The following GPHN variants were observed in gnomAD, a reference collection of about 807,000 sequenced individuals.
The protein encoded by GPHN is gephyrin.
GPHN carries 17 observed loss-of-function variants against 95.5 expected under a neutral mutation model. The observed-to-expected ratio is 0.18, with a 90% CI of 0.12 to 0.27. GPHN has a LOEUF of 0.27. Ranked by LOEUF, GPHN falls within the 10% of genes least tolerant of loss-of-function variation. The pLI is 1.00. For synonymous variants in GPHN, 320 were observed against 322.5 expected (o/e 0.99, Z 0.08); for missense variants, 660 against 978.1 (o/e 0.67, Z 4.34).
the GPHN span, chr14:67,570,038 G>A: frequency 1.4e-6 from 2 of 1,458,506 alleles, no homozygotes; most frequent in Non-Finnish European, 1.9e-6. Context: ...ACAAAGAGGG[G>A]GTGTCTCATC....
At chr14:66,595,207 T>A (rs535012232) in intron 1 of GPHN, among the ~76,000 whole-genome samples, 3 of 152,276 alleles carry the variant, frequency 2.0e-5, no homozygotes, top group African/African-American at 7.2e-5. Context: ...GGGTTGTAAA[T>A]TAGTATTACA....
At chr14:66,740,144 T>C (rs10132261) in intron 2 of GPHN, among the ~76,000 whole-genome samples, 47,854 of 152,060 alleles carry the variant, frequency 0.31, 11,516 homozygotes, top group African/African-American at 0.65. Context: ...GGTGTATTTA[T>C]GATATATCTC....
At chr14:67,322,230 C>G in the GPHN span, among the ~76,000 whole-genome samples, 1 of 151,980 alleles carries the variant, frequency 6.6e-6, no homozygotes, top group East Asian at 1.9e-4. Context: ...CACCTGTGGT[C>G]CCAGCTGCTT....
intron 8 of GPHN, among the ~76,000 whole-genome samples, chr14:66,937,329 A>G (rs973117408): frequency 1.3e-5 from 2 of 151,884 alleles, no homozygotes; most frequent in Non-Finnish European, 2.9e-5. Context: ...ATTTACCACA[A>G]AAAAATGTGT....
chr14:66,678,646 TC>T (rs59507321), intron 1 of GPHN, among the ~76,000 whole-genome samples: 38,271 of 151,988 alleles, frequency 0.25, 9,705 homozygotes, highest in African/African-American at 0.62. Flanking sequence ...ATTTCCTTTT[TC>T]ATGTGTCTTG....
intron 8 of GPHN, among the ~76,000 whole-genome samples, chr14:66,956,663 T>G (rs1334484174): frequency 6.6e-6 from 1 of 152,060 alleles, no homozygotes; most frequent in Non-Finnish European, 1.5e-5. Context: ...TCATGTGTTT[T>G]TTGGCTGCAT....
intron 1 of GPHN, among the ~76,000 whole-genome samples, chr14:66,656,762 T>C (rs1464904949): frequency 6.6e-6 from 1 of 152,208 alleles, no homozygotes; most frequent in African/African-American, 2.4e-5. Flanking sequence ...GTGAACTTAA[T>C]CAATAAATGT....
chr14:67,467,112 G>A, the GPHN span: 27 of 151,632 alleles, frequency 1.8e-4, no homozygotes, highest in African/African-American at 4.8e-4. Flanking sequence ...ACCCAACCCC[G>A]TAGACAGCCA....
the GPHN span, among the ~76,000 whole-genome samples, chr14:67,233,258 C>T: frequency 6.6e-6 from 1 of 152,116 alleles, no homozygotes; most frequent in African/African-American, 2.4e-5. Flanking sequence ...TCTCCTGCCT[C>T]AGCCTCCCAA....
chr14:67,398,784 C>A, the GPHN span, among the ~76,000 whole-genome samples: 6 of 152,178 alleles, frequency 3.9e-5, no homozygotes, highest in Middle Eastern at 3.2e-3. Flanking sequence ...TCTTGAAGAA[C>A]TTCTGGGCTT....
At chr14:67,026,633 T>G (rs2073938079) in intron 10 of GPHN, among the ~76,000 whole-genome samples, 1 of 152,178 alleles carries the variant, frequency 6.6e-6, no homozygotes, top group Non-Finnish European at 1.5e-5. Context: ...GCCCACATTT[T>G]TTTTTGTTTG....
chr14:67,497,518 C>T, the GPHN span, among the ~76,000 whole-genome samples: 95 of 152,168 alleles, frequency 6.2e-4, 1 homozygote, highest in East Asian at 0.016. Context: ...TCCCACGTGA[C>T]CAACAAAAGA....
chr14:67,557,963 A>G, the GPHN span, among the ~76,000 whole-genome samples: 3 of 152,214 alleles, frequency 2.0e-5, no homozygotes, highest in Non-Finnish European at 4.4e-5. Context: ...AAAGTTTCTT[A>G]GTGAAGCTGA....
intron 2 of GPHN, among the ~76,000 whole-genome samples, chr14:66,716,562 TTTTTGTTTTG>T (rs745584845): frequency 2.6e-4 from 39 of 152,266 alleles, no homozygotes; most frequent in African/African-American, 8.7e-4. Flanking sequence ...GTACCTTGGT[TTTTTGTTTTG>T]TTTTGTTTTG....
At chr14:66,697,436 A>T (rs906129317) in intron 2 of GPHN, among the ~76,000 whole-genome samples, 2 of 152,194 alleles carry the variant, frequency 1.3e-5, no homozygotes, top group Non-Finnish European at 2.9e-5. Flanking sequence ...TAATTGTTGT[A>T]TATAAGAATG....
the GPHN span, chr14:67,441,913 C>T: frequency 6.5e-6 from 1 of 153,794 alleles, no homozygotes; most frequent in East Asian, 2.0e-4. Flanking sequence ...TGAGACAGTC[C>T]CATGATCTGC....
chr14:67,395,390 T>A, the GPHN span: 1 of 1,612,054 alleles, frequency 6.2e-7, no homozygotes, highest in Non-Finnish European at 8.5e-7. Context: ...GCCCGGCAAG[T>A]GGGGCACTCA....
chr14:66,810,504 G>A (rs370687373), intron 3 of GPHN, among the ~76,000 whole-genome samples: 1 of 151,762 alleles, frequency 6.6e-6, no homozygotes, highest in East Asian at 1.9e-4. Context: ...GTGAAACTTT[G>A]TCAAAAATAT....
At chr14:67,431,953 T>A in the GPHN span, among the ~76,000 whole-genome samples, 9 of 152,262 alleles carry the variant, frequency 5.9e-5, no homozygotes, top group African/African-American at 2.2e-4. Flanking sequence ...AACATCTTTA[T>A]TTAATGTGTT....
Sources: allele counts gnomAD v4.1 joint callset (sites outside exome capture counted in the v4.1 genomes callset), GRCh38; gene constraint gnomAD v4.1.1; transcripts MANE v1.5; gene names NCBI Gene and HGNC (gene_info 2026-07-23, HGNC 2026-07-21).